The following EXO1 variants were observed in gnomAD, a reference collection of about 807,000 sequenced individuals.
The protein encoded by EXO1 is exonuclease 1.
A neutral mutation model predicts 84.5 loss-of-function variants in EXO1; 69 were observed. The ratio of observed to expected loss-of-function variants is 0.82; its 90% CI spans 0.67 to 1.00. The LOEUF (loss-of-function observed/expected upper bound fraction) is 1.00. EXO1 is among the 50% of genes least tolerant of loss of function. The pLI is 0.00. For synonymous variants in EXO1, 373 were observed against 366.1 expected (o/e 1.02, Z -0.21); for missense variants, 1,045 against 1,000.7 (o/e 1.04, Z -0.60).
chr1:241,887,688 G>A (rs1231875111), intron 15 of EXO1, among the ~76,000 whole-genome samples: 1 of 151,962 alleles, frequency 6.6e-6, no homozygotes, highest in Non-Finnish European at 1.5e-5. Context: ...ACCCAGGCTG[G>A]AGTGCAGTGG....
chr1:241,872,979 A>T (rs1385368158), intron 12 of EXO1, among the ~76,000 whole-genome samples: 1 of 152,156 alleles, frequency 6.6e-6, no homozygotes, highest in Non-Finnish European at 1.5e-5. Context: ...CAACAGTGTA[A>T]AAGCATTCCT....
At chr1:241,851,351 T>A (rs557666737) in intron 4 of EXO1, among the ~76,000 whole-genome samples, 46 of 152,346 alleles carry the variant, frequency 3.0e-4, no homozygotes, top group African/African-American at 1.0e-3. Flanking sequence ...AAGTTCACTG[T>A]CACTGATCTA....
In EXO1 at chr1:241,850,545, T is replaced by C; in HGVS notation, c.120T>C (p.Ile40=). The C allele has an allele frequency of 6.2e-7, 1 of 1,614,052 alleles. No homozygotes were observed. Among genetic ancestry groups the C allele is most frequent in the Non-Finnish European group, 8.5e-7 (1 of 1,179,958 alleles). The change falls in exon 4 of 16, where the codon ATT becomes ATC. Residue 40 remains isoleucine, a synonymous_variant. Transcript: ENST00000366548. ...DTYCWLHKGA[I]ACAEKLAKGE... ...ATTGCTGGCTTCACAAAGGAGCTAT[T>C]GCTTGTGCTGAAAAACTAGCCAAAG...
chr1:241,858,637 C>A lies in EXO1; in HGVS notation c.675C>A (p.Asp225Glu). 6.2e-7 allele frequency: 1 copy of A among 1,614,032 alleles called. No homozygotes were observed. Among genetic ancestry groups the A allele is most frequent in the Non-Finnish European group, 8.5e-7 (1 of 1,179,926 alleles). The change falls in exon 8 of 16, where the codon GAC becomes GAA. Residue 225 changes from aspartate to glutamate, a missense_variant. Physicochemically the swap from Asp to Glu is conservative, Grantham distance 45. Transcript: ENST00000366548. ...FRYMCILSGC[D>E]YLSSLRGIGL... ...ACATGTGTATTCTTTCAGGTTGTGA[C>A]TACCTGTCATCACTGCGTGGGATTG...
chr1:241,883,502 T>C (rs1373262054), intron 14 of EXO1, among the ~76,000 whole-genome samples: 1 of 152,044 alleles, frequency 6.6e-6, no homozygotes, highest in African/African-American at 2.4e-5. Context: ...TAATCACCTC[T>C]CAAAAATCCC....
chr1:241,878,015 G>A (rs1219663691), intron 12 of EXO1, among the ~76,000 whole-genome samples: 4 of 152,210 alleles, frequency 2.6e-5, no homozygotes, highest in Admixed American at 2.0e-4. Context: ...CTTTTCATGC[G>A]TTTGACCATG....
At chr1:241,883,411 A>T (rs559329088) in intron 14 of EXO1, among the ~76,000 whole-genome samples, 14 of 152,278 alleles carry the variant, frequency 9.2e-5, no homozygotes, top group Admixed American at 7.2e-4. Flanking sequence ...GTGTCCTTAC[A>T]TGGTAGAGGG....
rs1268348385 is a variant in EXO1, at chr1:241,852,406, AAG to A, written c.281_281+1del. On this transcript the variant is annotated frameshift_variant, in exon 5 of 16. Transcript: ENST00000366548. LOFTEE classifies it high-confidence loss of function. ...CTAAAAAGGAAGTAGAGAGATCTAGAAGAGAGTAAGTTAATTCTCTACTTAAT... is the reference window on the plus strand; with the variant it reads ...CTAAAAAGGAAGTAGAGAGATCTAGAAGAGTAAGTTAATTCTCTACTTAAT... ...PSKKEVERSR[R>X]ERRQANLLKG... 4.4e-6 allele frequency: 7 copies of A among 1,597,244 alleles called. No individual in the cohort carries two copies. The Admixed American group carries it at 8.3e-5, about 19-fold the overall frequency.
At chr1:241,857,733 T>C (rs951084518) in intron 7 of EXO1, among the ~76,000 whole-genome samples, 3 of 152,098 alleles carry the variant, frequency 2.0e-5, no homozygotes, top group African/African-American at 4.8e-5. Flanking sequence ...GTAATGTGGA[T>C]ACTTTTTCAA....
chr1:241,875,855 G>A (rs891792354), intron 12 of EXO1, among the ~76,000 whole-genome samples: 3 of 152,202 alleles, frequency 2.0e-5, no homozygotes, highest in Non-Finnish European at 4.4e-5. Flanking sequence ...TCCAGCCTGG[G>A]TGACAAAGCG....
intron 10 of EXO1, among the ~76,000 whole-genome samples, chr1:241,862,216 G>A (rs1661437929): frequency 6.6e-6 from 1 of 152,208 alleles, no homozygotes; most frequent in Non-Finnish European, 1.5e-5. Flanking sequence ...GGGATTACAG[G>A]CGTGAGCCAC....
At chr1:241,868,956 A>G (rs1041388740) in intron 11 of EXO1, among the ~76,000 whole-genome samples, 1 of 152,214 alleles carries the variant, frequency 6.6e-6, no homozygotes, top group Non-Finnish European at 1.5e-5. Context: ...AACCTTGCTC[A>G]CGTCACGTAT....
chr1:241,857,870 A>G (rs1446819764), intron 7 of EXO1, among the ~76,000 whole-genome samples: 1 of 152,172 alleles, frequency 6.6e-6, no homozygotes, highest in African/African-American at 2.4e-5. Flanking sequence ...TAGGTTAGGT[A>G]TACTAACTTA....
chr1:241,888,967 C>T (rs780781015), intron 15 of EXO1, among the ~76,000 whole-genome samples: 2 of 151,918 alleles, frequency 1.3e-5, no homozygotes, highest in South Asian at 4.2e-4. Context: ...TCCAGCTACT[C>T]GGGCTGAGGC....
intron 12 of EXO1, 26 bp downstream of exon 12, chr1:241,872,304 A>G: frequency 6.2e-7 from 1 of 1,610,454 alleles, no homozygotes; most frequent in Non-Finnish European, 8.5e-7. Context: ...CAGAATGTTG[A>G]TTGTCTGTTG....
intron 11 of EXO1, among the ~76,000 whole-genome samples, chr1:241,869,681 A>G (rs1661962443): frequency 6.6e-6 from 1 of 152,140 alleles, no homozygotes. Context: ...GTTATATAAG[A>G]TAATATATAC....
chr1:241,886,745 AATG>A (rs1478391954), intron 15 of EXO1, among the ~76,000 whole-genome samples: 4 of 152,236 alleles, frequency 2.6e-5, no homozygotes, highest in African/African-American at 9.6e-5. Context: ...ATTTTAAAAT[AATG>A]ATAAGCCTAT....
At chr1:241,875,695 G>A (rs1403399242) in intron 12 of EXO1, among the ~76,000 whole-genome samples, 3 of 152,106 alleles carry the variant, frequency 2.0e-5, no homozygotes, top group Non-Finnish European at 4.4e-5. Context: ...TGGCTAACAT[G>A]GTGAAACCCC....
chr1:241,863,238 A>G (rs1292132221), intron 10 of EXO1, among the ~76,000 whole-genome samples: 2 of 152,146 alleles, frequency 1.3e-5, no homozygotes, highest in Non-Finnish European at 2.9e-5. Flanking sequence ...CATTTTACAG[A>G]TGAGGAAACA....
Sources: allele counts gnomAD v4.1 joint callset (sites outside exome capture counted in the v4.1 genomes callset), GRCh38; gene constraint gnomAD v4.1.1; transcripts MANE v1.5; gene names NCBI Gene and HGNC (gene_info 2026-07-23, HGNC 2026-07-21).